Variants in WNK1 observed in about 807,000 individuals in gnomAD.
WNK1 encodes the protein serine/threonine-protein kinase WNK1.
A neutral mutation model predicts 222.8 loss-of-function variants in WNK1; 38 were observed. The observed-to-expected ratio is 0.17, with a 90% confidence interval of 0.13 to 0.22. The LOEUF (loss-of-function observed/expected upper bound fraction) is 0.22. Among genes scored for constraint, WNK1 ranks in the 10% least tolerant of loss-of-function variants. The pLI is 1.00. For missense variants in WNK1, 2,348 were observed against 2,918.4 expected, an observed-to-expected ratio of 0.80 and a Z score of 4.50; for synonymous variants, 1,090 against 1,092.9, an observed-to-expected ratio of 1.00 and a Z score of 0.05.
At chr12:889,629 T>C (rs1396777528) in intron 21 of WNK1, among the ~76,000 whole-genome samples, 1 of 152,100 alleles carries the variant, frequency 6.6e-6, no homozygotes, top group Non-Finnish European at 1.5e-5. Context: ...CCGTCCTGGC[T>C]AACACGGTGA....
rs1460500720 is a variant in WNK1, at chr12:862,707, A to G, written c.2139+437A>G. Among the ~76,000 whole-genome samples, 3 of 152,306 alleles carry G rather than the reference A, an allele frequency of 2.0e-5. No homozygotes were observed. The South Asian group carries it at 6.2e-4, about 32-fold the overall frequency. On this transcript the variant is annotated intron_variant, in intron 8 of 27. Coordinates refer to ENST00000315939, the MANE Select transcript of WNK1 (RefSeq NM_018979.4). ...CCATTATAGAATGCTGCATGTGAGT[A>G]CTCTAGATTGAGGGAATCCTTTATT...
rs763388743 is a variant in WNK1 at position 753,926 on chromosome 12, C to T, written c.361C>T (p.Arg121Trp). Residue 121 changes from arginine (R) to tryptophan (W), a missense_variant, in exon 1 of 28, where the codon CGG becomes TGG. Transcript: ENST00000315939. This position sits in a 1 kb window ranked among gnomAD's most constrained non-coding sequence, Gnocchi z 5.2. ...VPQSAPPEPH[R>W]EETVTATATS... ...GCAGAGTGCTCCACCGGAGCCCCAC[C>T]GGGAAGAGACCGTGACCGCCACCGC... 1.9e-6 allele frequency: 3 copies of T among 1,606,430 alleles called. No individual in the cohort carries two copies. Among genetic ancestry groups the T allele is most frequent in the South Asian group, 2.2e-5 (2 of 90,682 alleles).
intron 4 of WNK1, among the ~76,000 whole-genome samples, chr12:841,649 G>T (rs1591962126): frequency 6.6e-6 from 1 of 152,150 alleles, no homozygotes; most frequent in Non-Finnish European, 1.5e-5. Context: ...CCATAAACTA[G>T]GTGGCATATA....
chr12:835,349 A>C (rs149347032), intron 4 of WNK1, among the ~76,000 whole-genome samples: 1 of 151,694 alleles, frequency 6.6e-6, no homozygotes, highest in African/African-American at 2.4e-5. Flanking sequence ...AAAAAACAAC[A>C]AAAAAACCCA....
At chr12:844,218 G>A (rs1427377004) in intron 4 of WNK1, among the ~76,000 whole-genome samples, 2 of 151,744 alleles carry the variant, frequency 1.3e-5, no homozygotes, top group South Asian at 2.1e-4. Flanking sequence ...TGCAACCTAC[G>A]CCTCCTGGGT....
chr12:845,756 G>A (rs1212242080), intron 4 of WNK1, among the ~76,000 whole-genome samples: 1 of 152,166 alleles, frequency 6.6e-6, no homozygotes, highest in Non-Finnish European at 1.5e-5. Flanking sequence ...ATTTAGTAGT[G>A]AAATAAGGTG....
intron 21 of WNK1, among the ~76,000 whole-genome samples, chr12:890,218 G>A (rs1954087929): frequency 6.6e-6 from 1 of 152,150 alleles, no homozygotes; most frequent in Admixed American, 6.5e-5. Context: ...CTCCCAAAAT[G>A]CTGGGATTAC....
intron 8 of WNK1, 126 bp downstream of exon 8, chr12:862,396 C>T: frequency 9.5e-7 from 1 of 1,054,204 alleles, no homozygotes; most frequent in Non-Finnish European, 1.4e-6. Flanking sequence ...AATGCTGTGT[C>T]TCTAAAGCCT....
chr12:855,034 A>G (rs966704447), intron 4 of WNK1, among the ~76,000 whole-genome samples: 2 of 152,206 alleles, frequency 1.3e-5, no homozygotes, highest in East Asian at 3.8e-4. Context: ...AAGGAGGGCC[A>G]ACTGTGCTCA....
chr12:753,901 G>A lies in WNK1; in HGVS notation c.336G>A (p.Pro112=), dbSNP rs764736945. 2 of 1,610,740 alleles carry A rather than the reference G, an allele frequency of 1.2e-6. No individual in the cohort carries two copies. Among genetic ancestry groups the A allele is most frequent in the Non-Finnish European group, 8.5e-7 (1 of 1,179,172 alleles). ...AGCCCAGCATCCCCGCGGCTGTCCC[G>A]CAGAGTGCTCCACCGGAGCCCCACC... is the stretch of plus-strand genomic sequence containing the variant. ...LPQPSIPAAV[P]QSAPPEPHRE... The change falls in exon 1 of 28, where the codon CCG becomes CCA. Residue 112 remains proline, a synonymous_variant. Transcript: ENST00000315939. This position sits in a 1 kb window ranked among gnomAD's most constrained non-coding sequence, Gnocchi z 5.2.
At position 907,979 on chromosome 12, in the gene WNK1, G is replaced by A; in HGVS notation, c.6776G>A (p.Arg2259Gln). 2 of 1,614,158 alleles carry A rather than the reference G, an allele frequency of 1.2e-6. No homozygotes were observed. The highest frequency in any genetic ancestry group is 1.7e-6 in the Non-Finnish European group (2 of 1,180,042). ...CACAAGTTGGTAGACAATTGGGCCCGAGATGCCATGAATCTCTCAGGCAGG... is the reference window on the plus strand; with the variant it reads ...CACAAGTTGGTAGACAATTGGGCCCAAGATGCCATGAATCTCTCAGGCAGG... ...DLHKLVDNWA[R>Q]DAMNLSGRRG... The change falls in exon 27 of 28, where the codon CGA (arginine) becomes CAA (glutamine). Residue 2259 changes from arginine to glutamine, a missense_variant. Around this residue, in one of 13 missense-constraint regions of WNK1, gnomAD observed 55 missense variants for 104.1 expected, o/e 0.53. Coordinates refer to ENST00000315939, the MANE Select transcript of WNK1 (RefSeq NM_018979.4).
At chr12:807,049 GT>G (rs1362638840) in intron 1 of WNK1, among the ~76,000 whole-genome samples, 6 of 151,580 alleles carry the variant, frequency 4.0e-5, no homozygotes, top group Non-Finnish European at 7.4e-5. Flanking sequence ...CCCCAAGTAA[GT>G]ATGGAAAAGA....
intron 20 of WNK1, 28 bp from the exon 21 acceptor site, chr12:889,112 T>C (rs1953955968): frequency 6.2e-7 from 1 of 1,602,368 alleles, no homozygotes; most frequent in East Asian, 2.2e-5. Flanking sequence ...GCCACGGAAC[T>C]GTATTTACTG....
chr12:829,790 T>A (rs1565488646), intron 3 of WNK1: 1 of 584,772 alleles, frequency 1.7e-6, no homozygotes, highest in East Asian at 2.9e-5. Context: ...TATTCCAGTT[T>A]CATATAAAGG....
chr12:798,382 C>T (rs551923668), intron 1 of WNK1, among the ~76,000 whole-genome samples: 5 of 152,120 alleles, frequency 3.3e-5, no homozygotes, highest in African/African-American at 4.8e-5. Flanking sequence ...TTAGTAGAGA[C>T]GGAGTTTCAC....
At position 884,712 on chromosome 12, in the gene WNK1, T is replaced by A; in HGVS notation, c.3908T>A (p.Leu1303Gln). ...NLSHSASSLS[L>Q]QQAFSELRRA... is the part of the protein sequence containing the mutation. ...TCTCACTCTGCATCATCCCTTAGTC[T>A]ACAACAGGCCTTTTCTGAACTTAGA... Residue 1303 changes from leucine to glutamine, a missense_variant, in exon 19 of 28, where the codon CTA becomes CAA. Leu to Gln is a moderately radical substitution (Grantham distance 113, BLOSUM62 -2). Coordinates refer to ENST00000315939, the MANE Select transcript of WNK1 (RefSeq NM_018979.4). The surrounding 1 kb of genome is among the most constrained non-coding windows in gnomAD (Gnocchi z 5.6). 1.2e-6 allele frequency: 2 copies of A among 1,614,198 alleles called. No individual in the cohort carries two copies. Among genetic ancestry groups the A allele is most frequent in the South Asian group, 2.2e-5 (2 of 91,084 alleles).
At chr12:907,037 A>AAAAAAAAAAAAAAAAAAAC in intron 26 of WNK1, among the ~76,000 whole-genome samples, 1 of 148,088 alleles carries the variant, frequency 6.8e-6, no homozygotes, top group Admixed American at 6.7e-5. Context: ...AAAAAAAAAA[A>AAAAAAAAAAAAAAAAAAAC]AGCCGGGCGT....
At chr12:864,777 C>T (rs1448589871) in intron 8 of WNK1, among the ~76,000 whole-genome samples, 1 of 152,118 alleles carries the variant, frequency 6.6e-6, no homozygotes, top group African/African-American at 2.4e-5. Flanking sequence ...ATTGTTTTCC[C>T]TGTCTGCACC....
At chr12:812,511 T>A (rs1264450924) in intron 1 of WNK1, among the ~76,000 whole-genome samples, 1 of 152,150 alleles carries the variant, frequency 6.6e-6, no homozygotes, top group East Asian at 1.9e-4. Context: ...TGTGATTAAG[T>A]GTTATGTAAG....
Sources: gnomAD v4.1 joint callset for allele counts (sites outside exome capture counted in the v4.1 genomes callset) on GRCh38, gnomAD v4.1.1 for gene constraint, gnomAD v4.1.1 regional missense constraint, Gnocchi (gnomAD v3.1) non-coding constraint, MANE v1.5 for transcripts, NCBI Gene and HGNC (gene_info 2026-07-23, HGNC 2026-07-21) for gene names.